SGMS1: variants seen among roughly 807,000 people sequenced by gnomAD.
SGMS1 encodes sphingomyelin synthase 1.
SGMS1 carries 13 observed loss-of-function variants against 46.2 expected under a neutral mutation model. The ratio of observed to expected loss-of-function variants is 0.28; its 90% CI spans 0.18 to 0.45. The LOEUF is 0.45. Ranked by LOEUF, SGMS1 falls within the 20% of genes least tolerant of loss-of-function variation. The pLI is 1.00. For missense variants in SGMS1, 324 were observed against 519.9 expected (o/e 0.62, Z 3.66); for synonymous variants, 203 against 187.8 (o/e 1.08, Z -0.66).
chr10:50,449,377 G>C (rs1837070894), intron 5 of SGMS1, among the ~76,000 whole-genome samples: 1 of 152,178 alleles, frequency 6.6e-6, no homozygotes, highest in African/African-American at 2.4e-5. Flanking sequence ...GGTGGAGGGA[G>C]TGCAGGGCTT....
At chr10:50,478,523 A>C (rs1029270027) in intron 3 of SGMS1, among the ~76,000 whole-genome samples, 1 of 152,220 alleles carries the variant, frequency 6.6e-6, no homozygotes, top group Non-Finnish European at 1.5e-5. Flanking sequence ...AAATAGAGCC[A>C]AATGATTTCT....
intron 1 of SGMS1, among the ~76,000 whole-genome samples, chr10:50,605,750 C>T (rs1209996231): frequency 3.9e-5 from 6 of 152,150 alleles, no homozygotes; most frequent in African/African-American, 1.4e-4. Flanking sequence ...TTTTATTTTC[C>T]TTTTTATTTA....
intron 2 of SGMS1, among the ~76,000 whole-genome samples, chr10:50,560,301 C>T (rs1397554219): frequency 7.4e-6 from 1 of 135,956 alleles, no homozygotes; most frequent in African/African-American, 2.7e-5. Context: ...ATAATATATG[C>T]ATATATTACA....
intron 3 of SGMS1, among the ~76,000 whole-genome samples, chr10:50,481,554 AG>A (rs1269948941): frequency 2.0e-5 from 3 of 152,216 alleles, no homozygotes; most frequent in Admixed American, 2.0e-4. Context: ...CAAAGATTGA[AG>A]GTAGATAGAG....
chr10:50,423,022 C>T (rs1849275981), intron 6 of SGMS1, among the ~76,000 whole-genome samples: 1 of 152,348 alleles, frequency 6.6e-6, no homozygotes, highest in East Asian at 1.9e-4. Context: ...ATGACAAAAG[C>T]ACTGACTTTC....
rs147522467 is a variant in SGMS1 at position 50,344,607 on chromosome 10, C to T, written c.-231-262G>A. On this transcript the variant is annotated intron_variant, in intron 6 of 10. Coordinates refer to ENST00000361781, the MANE Select transcript of SGMS1 (RefSeq NM_147156.4). Reference sequence around the variant, plus strand: ...ACGGTCAGCCGGGCGTGGTGGCTCACGCCTGTAATCCCAGCGCTTTGGGAG... The same window carrying T: ...ACGGTCAGCCGGGCGTGGTGGCTCATGCCTGTAATCCCAGCGCTTTGGGAG... 9.2e-3 allele frequency among the ~76,000 whole-genome samples: 1,401 copies of T among 152,300 alleles called. 11 individuals are homozygous for T. The highest frequency in any genetic ancestry group is 0.015 in the Non-Finnish European group (1,028 of 68,026).
intron 5 of SGMS1, among the ~76,000 whole-genome samples, 196 bp from the exon 6 acceptor site, chr10:50,433,752 A>G (rs1335160124): frequency 6.6e-6 from 1 of 152,216 alleles, no homozygotes; most frequent in African/African-American, 2.4e-5. Context: ...TTTTAAGAGC[A>G]GTATTTCCAC....
At chr10:50,352,617 T>A (rs1289559686) in intron 6 of SGMS1, among the ~76,000 whole-genome samples, 1 of 152,148 alleles carries the variant, frequency 6.6e-6, no homozygotes, top group Non-Finnish European at 1.5e-5. Context: ...TTGTGATTGG[T>A]CTAAAATCTC....
At chr10:50,397,394 A>G (rs1471962218) in intron 6 of SGMS1, among the ~76,000 whole-genome samples, 1 of 152,228 alleles carries the variant, frequency 6.6e-6, no homozygotes, top group Non-Finnish European at 1.5e-5. Flanking sequence ...GAAACCAAGT[A>G]TGGTTAGCTG....
chr10:50,504,298 G>T (rs560022072), intron 3 of SGMS1, among the ~76,000 whole-genome samples: 12 of 152,260 alleles, frequency 7.9e-5, no homozygotes, highest in Admixed American at 2.6e-4. Flanking sequence ...TTTAATAAGT[G>T]CCCTGAGGAA....
intron 6 of SGMS1, among the ~76,000 whole-genome samples, chr10:50,412,535 T>C (rs1271407230): frequency 1.3e-5 from 2 of 152,204 alleles, no homozygotes; most frequent in Non-Finnish European, 2.9e-5. Flanking sequence ...TATAGCTTGC[T>C]TGATACACAA....
intron 6 of SGMS1, among the ~76,000 whole-genome samples, chr10:50,371,553 A>G (rs182617285): frequency 6.4e-4 from 97 of 152,348 alleles, no homozygotes; most frequent in African/African-American, 2.2e-3. Flanking sequence ...ACTGCACACT[A>G]TACTTCAATT....
intron 2 of SGMS1, among the ~76,000 whole-genome samples, chr10:50,560,599 G>A (rs7094143): frequency 0.21 from 30,795 of 143,846 alleles, 4,011 homozygotes; most frequent in East Asian, 0.64. Context: ...ATAATATATG[G>A]CATATAATAC....
intron 1 of SGMS1, among the ~76,000 whole-genome samples, chr10:50,593,057 T>C (rs1838557643): frequency 6.6e-6 from 1 of 151,410 alleles, no homozygotes; most frequent in Admixed American, 6.6e-5. Context: ...GACTCCACCT[T>C]CCATCTCTGT....
rs374521879 is a variant in SGMS1, at chr10:50,403,254, CAACT to C, written c.-232+30218_-232+30221del. Among the ~76,000 whole-genome samples the C allele has an allele frequency of 8.5e-4, 129 of 152,252 alleles. 1 individual carries two copies. Among genetic ancestry groups the C allele is most frequent in the African/African-American group, 3.0e-3 (123 of 41,544 alleles). ...CGTAAATTCAAAGAAAGAAGAGTTT[CAACT>C]AACTAACAGTTGGCACAAGTACACG... is the stretch of plus-strand genomic sequence containing the variant. On this transcript the variant is annotated intron_variant, in intron 6 of 10. Transcript: ENST00000361781.
At chr10:50,397,655 T>C (rs767553005) in intron 6 of SGMS1, among the ~76,000 whole-genome samples, 9 of 152,222 alleles carry the variant, frequency 5.9e-5, no homozygotes, top group Non-Finnish European at 1.3e-4. Context: ...TGCTATATAT[T>C]GCTTTGGTTT....
intron 7 of SGMS1, among the ~76,000 whole-genome samples, chr10:50,341,587 C>A (rs1265773745): frequency 6.6e-6 from 1 of 152,168 alleles, no homozygotes; most frequent in Non-Finnish European, 1.5e-5. Flanking sequence ...CAACAGAAAT[C>A]ATCTAGACTG....
At chr10:50,409,431 C>T (rs1849066950) in intron 6 of SGMS1, among the ~76,000 whole-genome samples, 2 of 152,194 alleles carry the variant, frequency 1.3e-5, no homozygotes, top group Non-Finnish European at 2.9e-5. Context: ...CCATTCCATA[C>T]TCTTTTCCCA....
At chr10:50,547,237 T>G (rs1349876271) in intron 2 of SGMS1, among the ~76,000 whole-genome samples, 1 of 152,112 alleles carries the variant, frequency 6.6e-6, no homozygotes, top group Non-Finnish European at 1.5e-5. Flanking sequence ...TGGTTTTGTG[T>G]CCAAAATAAT....
Sources: gnomAD v4.1 joint callset for allele counts (sites outside exome capture counted in the v4.1 genomes callset) on GRCh38, gnomAD v4.1.1 for gene constraint, MANE v1.5 for transcripts, NCBI Gene and HGNC (gene_info 2026-07-23, HGNC 2026-07-21) for gene names.